ST8SIA6: variants seen among roughly 807,000 people sequenced by gnomAD.
ST8SIA6 encodes the protein ST8 alpha-N-acetyl-neuraminide alpha-2,8-sialyltransferase 6.
A neutral mutation model predicts 33.6 loss-of-function variants in ST8SIA6; 39 were observed. That is an observed-to-expected ratio of 1.16 (90% confidence interval 0.90 to 1.52). ST8SIA6 has a LOEUF of 1.52. Among genes scored for constraint, ST8SIA6 ranks in the 40% most tolerant of loss-of-function variants. The pLI, the probability that ST8SIA6 is intolerant of heterozygous loss-of-function variation, is 0.00. For missense variants in ST8SIA6, 441 were observed against 443.8 expected (o/e 0.99, Z 0.06); for synonymous variants, 172 against 167.2 (o/e 1.03, Z -0.22).
At chr10:17,425,993 A>G (rs1346015217) in intron 2 of ST8SIA6, among the ~76,000 whole-genome samples, 1 of 152,130 alleles carries the variant, frequency 6.6e-6, no homozygotes, top group Admixed American at 6.5e-5. Context: ...TTATCACAGG[A>G]ACCAGTCACG....
rs1054676998 is a variant in ST8SIA6 at position 17,331,315 on chromosome 10, T to C, written c.522+93A>G. On this transcript the variant is annotated intron_variant, in intron 5 of 7. Coordinates refer to ENST00000377602, the MANE Select transcript of ST8SIA6 (RefSeq NM_001004470.3). ...ACAACATAACAATATGGTATTTTAA[T>C]TGAGTCCATCATAATTGTAAGTTAC... 6 of 1,431,468 alleles carry C rather than the reference T, an allele frequency of 4.2e-6. No homozygotes were observed. The African/African-American group carries it at 5.7e-5, about 14-fold the overall frequency. The allele number at this position is 1,431,468 out of a possible 1,614,324, so 88.7% of individuals were successfully genotyped here. A position where few individuals can be genotyped will look rare whatever the true frequency, so the allele number is the denominator to read the frequency against.
At chr10:17,354,926 C>A (rs1335792987) in intron 4 of ST8SIA6, among the ~76,000 whole-genome samples, 1 of 152,172 alleles carries the variant, frequency 6.6e-6, no homozygotes, top group African/African-American at 2.4e-5. Context: ...TTAAGCCTTT[C>A]ATGTTTCCGG....
intron 2 of ST8SIA6, among the ~76,000 whole-genome samples, chr10:17,399,601 A>G (rs1850960161): frequency 6.6e-6 from 1 of 152,098 alleles, no homozygotes; most frequent in Admixed American, 6.6e-5. Flanking sequence ...CCCTCCTACC[A>G]TAGTTGCAAG....
At chr10:17,322,397 A>C (rs1318417012) in intron 7 of ST8SIA6, among the ~76,000 whole-genome samples, 2 of 152,192 alleles carry the variant, frequency 1.3e-5, no homozygotes, top group Admixed American at 1.3e-4. Context: ...TGTATGATTT[A>C]AATAACTTAG....
intron 2 of ST8SIA6, among the ~76,000 whole-genome samples, chr10:17,450,629 A>T (rs1395990788): frequency 6.6e-6 from 1 of 152,066 alleles, no homozygotes; most frequent in African/African-American, 2.4e-5. Context: ...TCTAGTAGAG[A>T]CAAGGTTTCA....
intron 2 of ST8SIA6, among the ~76,000 whole-genome samples, chr10:17,427,881 A>G (rs890162027): frequency 6.6e-6 from 1 of 152,218 alleles, no homozygotes; most frequent in Non-Finnish European, 1.5e-5. Flanking sequence ...ATGGCCAGGT[A>G]TCTTGGATTC....
At chr10:17,359,875 T>C (rs1849327120) in intron 3 of ST8SIA6, among the ~76,000 whole-genome samples, 1 of 152,170 alleles carries the variant, frequency 6.6e-6, no homozygotes, top group Admixed American at 6.6e-5. Context: ...ATGTATCTAA[T>C]GGACATTTCA....
At chr10:17,391,890 G>GAT (rs760563955) in intron 2 of ST8SIA6, among the ~76,000 whole-genome samples, 2 of 152,034 alleles carry the variant, frequency 1.3e-5, no homozygotes, top group Non-Finnish European at 2.9e-5. Context: ...TTATTGCCAT[G>GAT]ATATATATAT....
chr10:17,349,204 G>GTTGGTCC (rs1056798435), intron 4 of ST8SIA6, among the ~76,000 whole-genome samples: 3 of 152,212 alleles, frequency 2.0e-5, no homozygotes, highest in African/African-American at 7.2e-5. Context: ...AACAGGAAGA[G>GTTGGTCC]TTGGTCCTTA....
intron 2 of ST8SIA6, among the ~76,000 whole-genome samples, chr10:17,398,428 G>A (rs1254452558): frequency 6.6e-6 from 1 of 151,892 alleles, no homozygotes; most frequent in South Asian, 2.1e-4. Flanking sequence ...AGTGCTTACC[G>A]ATCATCCACA....
chr10:17,320,835 T>A lies in ST8SIA6; in HGVS notation c.*43A>T, dbSNP rs749795282. The A allele has an allele frequency of 6.3e-7, 1 of 1,581,730 alleles. No individual in the cohort carries two copies. Among genetic ancestry groups the A allele is most frequent in the South Asian group, 1.1e-5 (1 of 88,776 alleles). ...GTGTTTGGAGACATTGTTAATCACCTACTGCATTATATTAAAATTATTCCC... is the reference window on the plus strand; with the variant it reads ...GTGTTTGGAGACATTGTTAATCACCAACTGCATTATATTAAAATTATTCCC... On this transcript the variant is annotated 3_prime_UTR_variant, in exon 8 of 8. Transcript: ENST00000377602.
At chr10:17,369,081 A>G (rs1588848828) in intron 3 of ST8SIA6, among the ~76,000 whole-genome samples, 2 of 152,354 alleles carry the variant, frequency 1.3e-5, no homozygotes, top group South Asian at 4.1e-4. Context: ...AGTTTTTAGT[A>G]GCTTGATTGC....
At chr10:17,420,765 C>T (rs962410874) in intron 2 of ST8SIA6, among the ~76,000 whole-genome samples, 3 of 152,140 alleles carry the variant, frequency 2.0e-5, no homozygotes, top group Non-Finnish European at 4.4e-5. Flanking sequence ...TGTCACACTA[C>T]TATAAAGAAC....
intron 2 of ST8SIA6, among the ~76,000 whole-genome samples, chr10:17,405,572 T>C (rs17141002): frequency 0.033 from 4,894 of 148,534 alleles, 85 homozygotes; most frequent in South Asian, 0.059. Context: ...CTCTGATACA[T>C]ACTAGATGCT....
intron 4 of ST8SIA6, among the ~76,000 whole-genome samples, chr10:17,355,603 G>A (rs1849166366): frequency 6.6e-6 from 1 of 152,112 alleles, no homozygotes; most frequent in Non-Finnish European, 1.5e-5. Context: ...GCCCCTACCT[G>A]CTCTGATTTT....
At chr10:17,354,221 TATC>T (rs1336265372) in intron 4 of ST8SIA6, among the ~76,000 whole-genome samples, 11 of 152,176 alleles carry the variant, frequency 7.2e-5, no homozygotes, top group Non-Finnish European at 5.9e-5. Context: ...GGGCGTCTCA[TATC>T]ATGTTTAATT....
chr10:17,320,756 G>T lies in ST8SIA6; in HGVS notation c.*122C>A. 9 of 990,986 alleles carry T rather than the reference G, an allele frequency of 9.1e-6. No homozygotes were observed. Among genetic ancestry groups the T allele is most frequent in the African/African-American group, 1.6e-5 (1 of 60,934 alleles). 61.4% of individuals were successfully genotyped at this position (990,986 alleles called of 1,614,324 possible). The stretch of plus-strand genomic sequence containing the variant: ...ATTGCAAAATGAGTGGGGAAGCTTT[G>T]GTCAAACCAAATTTTGGGGCTCATC... On this transcript the variant is annotated 3_prime_UTR_variant, in exon 8 of 8. Transcript: ENST00000377602.
At position 17,326,547 on chromosome 10, in the gene ST8SIA6, G is replaced by A. The variant is rs149328444; in HGVS notation, c.635+467C>T. ...AGCCAGAAAACGAAATAATGATACA[G>A]TTTGCAGGGCTGAAAAATGTCTTGA... is the stretch of plus-strand genomic sequence containing the variant. On this transcript the variant is annotated intron_variant, in intron 6 of 7. Transcript: ENST00000377602. 1.5e-3 allele frequency among the ~76,000 whole-genome samples: 224 copies of A among 152,290 alleles called. 2 individuals carry two copies. Among genetic ancestry groups the A allele is most frequent in the African/African-American group, 5.1e-3 (213 of 41,554 alleles).
intron 2 of ST8SIA6, among the ~76,000 whole-genome samples, chr10:17,417,407 TGTTCCTCTGCCTTGAGC>T (rs1163711779): frequency 1.3e-5 from 2 of 152,222 alleles, no homozygotes; most frequent in African/African-American, 4.8e-5. Context: ...TTAGGGCTGC[TGTTCCTCTGCCTTGAGC>T]GTTCCTGTTA....
Sources: allele counts gnomAD v4.1 joint callset (sites outside exome capture counted in the v4.1 genomes callset), GRCh38; gene constraint gnomAD v4.1.1; transcripts MANE v1.5; gene names NCBI Gene and HGNC (gene_info 2026-07-23, HGNC 2026-07-21).